Variants in DLGAP2 observed in about 807,000 individuals in gnomAD.
DLGAP2 encodes DLG associated protein 2, also known as disks large-associated protein 2.
A neutral mutation model predicts 100.3 loss-of-function variants in DLGAP2; 26 were observed. That is an observed-to-expected ratio of 0.26 (90% CI 0.19 to 0.36). The LOEUF (loss-of-function observed/expected upper bound fraction) is 0.36. Among genes scored for constraint, DLGAP2 ranks in the 10% least tolerant of loss-of-function variants. The pLI, the probability that DLGAP2 is intolerant of heterozygous loss-of-function variation, is 1.00. For missense variants in DLGAP2, 1,858 were observed against 1,453.2 expected (o/e 1.28, Z -4.53); for synonymous variants, 886 against 630.1 (o/e 1.41, Z -6.08).
At chr8:747,841 G>T (rs187666623) in intron 1 of DLGAP2, among the ~76,000 whole-genome samples, 1 of 1,192 alleles carries the variant, frequency 8.4e-4, no homozygotes, top group African/African-American at 7.8e-3. Context: ...GGGATGGGGG[G>T]CTCTGTGGTG....
At chr8:1,206,738 G>A (rs1428714830) in intron 2 of DLGAP2, among the ~76,000 whole-genome samples, 2 of 152,220 alleles carry the variant, frequency 1.3e-5, no homozygotes, top group Non-Finnish European at 2.9e-5. Flanking sequence ...GCGTCCTGGA[G>A]AACTGGTCTT....
chr8:1,513,839 T>C (rs1381988170), intron 4 of DLGAP2, among the ~76,000 whole-genome samples: 1 of 147,588 alleles, frequency 6.8e-6, no homozygotes, highest in Non-Finnish European at 1.5e-5. Context: ...ACACGAAACA[T>C]CCTTCTTCCA....
At chr8:1,374,926 C>A (rs1343403964) in intron 3 of DLGAP2, among the ~76,000 whole-genome samples, 1 of 152,144 alleles carries the variant, frequency 6.6e-6, no homozygotes, top group Non-Finnish European at 1.5e-5. Flanking sequence ...CCCAATACGA[C>A]AGCCAGGGCA....
At chr8:1,547,604 G>A (rs1554494930) in intron 4 of DLGAP2, among the ~76,000 whole-genome samples, 1 of 152,164 alleles carries the variant, frequency 6.6e-6, no homozygotes. Flanking sequence ...CTCCTTCTCT[G>A]CAGGTCACCC....
rs770617888 is a variant in DLGAP2, at chr8:1,703,074, G to A, written c.*1668G>A. On this transcript the variant is annotated 3_prime_UTR_variant, in exon 15 of 15. Coordinates refer to ENST00000637795, the MANE Select transcript of DLGAP2 (RefSeq NM_001346810.2). The stretch of plus-strand genomic sequence containing the variant: ...CCCTCCAGAGCTGCGGTGTCTCCCT[G>A]CCTCATTCCCCACATCCCACTGAGC... 1 of 152,662 alleles carries A rather than the reference G, an allele frequency of 6.6e-6. No individual in the cohort carries two copies. 9.5% of individuals were successfully genotyped at this position (152,662 alleles called of 1,614,324 possible).
At chr8:1,505,828 CGAATGTTATAT>C (rs1799891908) in intron 4 of DLGAP2, among the ~76,000 whole-genome samples, 1 of 151,922 alleles carries the variant, frequency 6.6e-6, no homozygotes, top group Non-Finnish European at 1.5e-5. Context: ...TTCATTTTCC[CGAATGTTATAT>C]TTAAATCAGC....
chr8:770,074 C>A (rs1375266461), intron 1 of DLGAP2, among the ~76,000 whole-genome samples: 1 of 152,182 alleles, frequency 6.6e-6, no homozygotes, highest in African/African-American at 2.4e-5. Flanking sequence ...TCCTACCATA[C>A]CTTCAAGACA....
chr8:1,659,225 T>C (rs1798354793), intron 8 of DLGAP2, among the ~76,000 whole-genome samples: 1 of 152,226 alleles, frequency 6.6e-6, no homozygotes, highest in Non-Finnish European at 1.5e-5. Context: ...ATGATTTCCA[T>C]CCTTTTGCAT....
intron 2 of DLGAP2, among the ~76,000 whole-genome samples, chr8:1,084,433 C>T (rs1419087349): frequency 6.6e-6 from 1 of 152,150 alleles, no homozygotes; most frequent in Admixed American, 6.6e-5. Context: ...ATGTAAAATA[C>T]TCAATAATTA....
intron 5 of DLGAP2, among the ~76,000 whole-genome samples, chr8:1,555,478 C>T (rs1040162015): frequency 3.3e-5 from 5 of 152,230 alleles, no homozygotes; most frequent in Non-Finnish European, 5.9e-5. Context: ...ACCGCTTCCC[C>T]CCGGCCCCGA....
intron 14 of DLGAP2, among the ~76,000 whole-genome samples, chr8:1,699,006 G>C (rs1799494513): frequency 6.6e-6 from 1 of 152,184 alleles, no homozygotes; most frequent in African/African-American, 2.4e-5. Context: ...TAACCCATGT[G>C]TGGGACTAGA....
intron 3 of DLGAP2, among the ~76,000 whole-genome samples, chr8:1,266,632 G>A (rs534257731): frequency 6.6e-6 from 1 of 152,128 alleles, no homozygotes; most frequent in South Asian, 2.1e-4. Context: ...TGCACCCTCT[G>A]TTCTCAGTCA....
At chr8:762,906 G>C (rs1027537133) in intron 1 of DLGAP2, among the ~76,000 whole-genome samples, 1 of 152,076 alleles carries the variant, frequency 6.6e-6, no homozygotes, top group Non-Finnish European at 1.5e-5. Flanking sequence ...TCCTACTCCT[G>C]GGCTCAAGCA....
At chr8:806,580 C>T (rs903710038) in intron 1 of DLGAP2, among the ~76,000 whole-genome samples, 4 of 152,148 alleles carry the variant, frequency 2.6e-5, no homozygotes, top group Admixed American at 1.3e-4. Flanking sequence ...AGGTGCCCCC[C>T]GAACAGGTGT....
At chr8:1,579,318 C>A (rs73174719) in intron 6 of DLGAP2, among the ~76,000 whole-genome samples, 6,142 of 152,060 alleles carry the variant, frequency 0.04, 164 homozygotes, top group South Asian at 0.063. Context: ...TATATACACA[C>A]ACATATATGT....
At chr8:1,414,557 T>C (rs537795814) in intron 3 of DLGAP2, among the ~76,000 whole-genome samples, 2 of 152,150 alleles carry the variant, frequency 1.3e-5, no homozygotes, top group Non-Finnish European at 2.9e-5. Context: ...TGGGTCCCAG[T>C]GCAGAGTCCA....
At chr8:1,525,709 C>T (rs1800771991) in intron 4 of DLGAP2, among the ~76,000 whole-genome samples, 1 of 152,252 alleles carries the variant, frequency 6.6e-6, no homozygotes, top group African/African-American at 2.4e-5. Context: ...TATCCTCACT[C>T]CCAGCCTCTT....
chr8:988,155 A>G (rs1473727325), intron 2 of DLGAP2, among the ~76,000 whole-genome samples: 2 of 152,182 alleles, frequency 1.3e-5, no homozygotes, highest in Non-Finnish European at 2.9e-5. Context: ...AGCTAATCGC[A>G]TGATTTTTAT....
At chr8:1,248,631 C>G (rs1490616177) in intron 2 of DLGAP2, 3 of 152,076 alleles carry the variant, frequency 2.0e-5, no homozygotes, top group Admixed American at 6.6e-5. Context: ...GCCGGGAAGA[C>G]CTTTGAGATC....
Sources: gnomAD v4.1 joint callset for allele counts (sites outside exome capture counted in the v4.1 genomes callset) on GRCh38, gnomAD v4.1.1 for gene constraint, MANE v1.5 for transcripts, NCBI Gene and HGNC (gene_info 2026-07-23, HGNC 2026-07-21) for gene names.